Variants in DIS3L2 observed in about 807,000 individuals in gnomAD.
DIS3L2 encodes the protein DIS3-like exonuclease 2.
DIS3L2 carries 34 observed loss-of-function variants against 97.5 expected under a neutral mutation model. The observed-to-expected ratio is 0.35, with a 90% CI of 0.27 to 0.46. The LOEUF (loss-of-function observed/expected upper bound fraction) is 0.46. DIS3L2 is among the 20% of genes least tolerant of loss of function. DIS3L2 has a pLI of 1.00. For missense variants in DIS3L2, 1,038 were observed against 1,146.0 expected, an observed-to-expected ratio of 0.91 and a Z score of 1.36; for synonymous variants, 435 against 445.2, an observed-to-expected ratio of 0.98 and a Z score of 0.29.
intron 5 of DIS3L2, among the ~76,000 whole-genome samples, chr2:232,036,335 C>A (rs538392705): frequency 2.0e-5 from 3 of 152,312 alleles, no homozygotes; most frequent in East Asian, 3.9e-4. Context: ...GTATATGCTT[C>A]ACGAAGTTCT....
At chr2:232,302,812 G>C (rs1490117419) in intron 14 of DIS3L2, among the ~76,000 whole-genome samples, 1 of 151,804 alleles carries the variant, frequency 6.6e-6, no homozygotes, top group East Asian at 1.9e-4. Flanking sequence ...CACCTGCCTT[G>C]GCCCCCCAAA....
At chr2:232,340,925 C>A (rs1161888084), downstream of DIS3L2, 5 of 470,814 alleles carry the variant, frequency 1.1e-5, no homozygotes, top group Admixed American at 1.2e-4. Flanking sequence ...GGAACACAGA[C>A]CATAGAGGAA....
At chr2:232,059,110 G>A (rs922513832) in intron 5 of DIS3L2, among the ~76,000 whole-genome samples, 1 of 152,128 alleles carries the variant, frequency 6.6e-6, no homozygotes, top group Non-Finnish European at 1.5e-5. Flanking sequence ...GAAGTCAGCT[G>A]TAAAAATTTG....
intron 9 of DIS3L2, among the ~76,000 whole-genome samples, chr2:232,206,056 A>G (rs544609120): frequency 2.0e-5 from 3 of 152,292 alleles, no homozygotes; most frequent in African/African-American, 7.2e-5. Flanking sequence ...CCCAAGTAGG[A>G]CAAGGGCACC....
chr2:232,088,032 A>G (rs1696718621), intron 6 of DIS3L2, among the ~76,000 whole-genome samples: 1 of 152,246 alleles, frequency 6.6e-6, no homozygotes, highest in Non-Finnish European at 1.5e-5. Context: ...TGTGAACACA[A>G]TTAAACTGGT....
intron 6 of DIS3L2, among the ~76,000 whole-genome samples, chr2:232,088,013 T>G (rs991434296): frequency 3.9e-5 from 6 of 152,250 alleles, no homozygotes; most frequent in African/African-American, 1.4e-4. Context: ...GGCGCAATCC[T>G]GTGGATGATG....
chr2:232,110,028 A>C (rs979812271), intron 6 of DIS3L2, among the ~76,000 whole-genome samples: 5 of 152,222 alleles, frequency 3.3e-5, no homozygotes, highest in Non-Finnish European at 5.9e-5. Flanking sequence ...CATCCCCATT[A>C]AAAAGTAGGC....
At chr2:232,258,854 T>G (rs114293774) in intron 12 of DIS3L2, among the ~76,000 whole-genome samples, 140 of 152,336 alleles carry the variant, frequency 9.2e-4, no homozygotes, top group Non-Finnish European at 1.8e-3. Flanking sequence ...CCCCCTCCAT[T>G]TGGATCTTTG....
At chr2:232,332,934 G>A (rs36073332) in intron 16 of DIS3L2, among the ~76,000 whole-genome samples, 19,921 of 152,016 alleles carry the variant, frequency 0.13, 1,770 homozygotes, top group Middle Eastern at 0.23. Context: ...CAGGGCAGGG[G>A]ATCGCATCCT....
At chr2:232,263,183 C>A (rs1478741082) in intron 12 of DIS3L2, 24 bp from the exon 13 acceptor site, 2 of 1,610,932 alleles carry the variant, frequency 1.2e-6, no homozygotes, top group South Asian at 1.1e-5. Flanking sequence ...TCACAATTCC[C>A]TTGTAATCTG....
chr2:232,052,486 A>G (rs1245493641), intron 5 of DIS3L2, among the ~76,000 whole-genome samples: 1 of 152,212 alleles, frequency 6.6e-6, no homozygotes, highest in East Asian at 1.9e-4. Context: ...TTTATTACCA[A>G]TTACATTCTT....
rs1695967963 is a variant in DIS3L2 at position 232,336,740 on chromosome 2, G to GGTTT, written c.*115_*118dup. The GGTTT allele has an allele frequency of 1.2e-5, 18 of 1,490,416 alleles. No individual in the cohort carries two copies. The highest frequency in any genetic ancestry group is 7.4e-5 in the East Asian group (3 of 40,518). 92.3% of individuals were successfully genotyped at this position (1,490,416 alleles called of 1,614,324 possible). A position where few individuals can be genotyped will look rare whatever the true frequency, so the allele number is the denominator to read the frequency against. ...TTAATTTGGTTTTTAACAACTCAGG[G>GGTTT]GTTTGTTTTTATTTTTATTTAATTT... On this transcript the variant is annotated 3_prime_UTR_variant, in exon 21 of 21. Coordinates refer to ENST00000325385, the MANE Select transcript of DIS3L2 (RefSeq NM_152383.5).
At chr2:232,024,180 C>T in intron 3 of DIS3L2, 97 bp from the exon 4 acceptor site, 2 of 813,408 alleles carry the variant, frequency 2.5e-6, no homozygotes, top group Non-Finnish European at 3.9e-6. Flanking sequence ...CTCAAGTGAC[C>T]TGTTTAATTT....
chr2:232,314,980 G>A (rs1447196490), intron 14 of DIS3L2, among the ~76,000 whole-genome samples: 1 of 152,172 alleles, frequency 6.6e-6, no homozygotes, highest in Non-Finnish European at 1.5e-5. Flanking sequence ...GCCTCTCTGG[G>A]TATTTCTCCA....
intron 9 of DIS3L2, among the ~76,000 whole-genome samples, chr2:232,200,037 C>G (rs1050956076): frequency 2.0e-5 from 3 of 152,118 alleles, no homozygotes; most frequent in African/African-American, 7.2e-5. Context: ...GGATAAACCA[C>G]CAAAGAAATC....
At chr2:232,078,013 CTT>C (rs1330193550) in intron 5 of DIS3L2, among the ~76,000 whole-genome samples, 1 of 85,570 alleles carries the variant, frequency 1.2e-5, no homozygotes, top group East Asian at 5.2e-4. Context: ...TTCTTTCTTT[CTT>C]TCTTTTTCTC....
chr2:232,084,309 T>C (rs1696505876), intron 5 of DIS3L2, among the ~76,000 whole-genome samples: 1 of 152,166 alleles, frequency 6.6e-6, no homozygotes, highest in Admixed American at 6.5e-5. Context: ...AAGGTCCTTT[T>C]TGGGACCAGA....
chr2:232,176,314 T>C (rs2106179370), intron 9 of DIS3L2, among the ~76,000 whole-genome samples: 1 of 152,366 alleles, frequency 6.6e-6, no homozygotes, highest in Admixed American at 6.5e-5. Context: ...CTCTTTCATT[T>C]GTTAGTTTAG....
intron 1 of DIS3L2, among the ~76,000 whole-genome samples, chr2:231,971,826 C>T (rs992386456): frequency 6.6e-6 from 1 of 151,566 alleles, no homozygotes; most frequent in Non-Finnish European, 1.5e-5. Context: ...CGTGATCTGC[C>T]TGCCTCCGCC....
Sources: gnomAD v4.1 joint callset for allele counts (sites outside exome capture counted in the v4.1 genomes callset) on GRCh38, gnomAD v4.1.1 for gene constraint, MANE v1.5 for transcripts, NCBI Gene and HGNC (gene_info 2026-07-23, HGNC 2026-07-21) for gene names.